SYNCRIP: variants seen among roughly 807,000 people sequenced by gnomAD.
The protein encoded by SYNCRIP is heterogeneous nuclear ribonucleoprotein Q.
SYNCRIP carries 9 observed loss-of-function variants against 68.9 expected under a neutral mutation model. The ratio of observed to expected loss-of-function variants is 0.13; its 90% confidence interval spans 0.08 to 0.23. SYNCRIP has a LOEUF of 0.23. SYNCRIP is among the 10% of genes least tolerant of loss of function. The probability of loss-of-function intolerance (pLI) is 1.00; values close to 1 mark genes in which losing one functional copy is unlikely to be tolerated. For missense variants in SYNCRIP, 414 were observed against 770.6 expected (o/e 0.54, Z 5.48); for synonymous variants, 258 against 254.0 (o/e 1.02, Z -0.15).
chr6:85,611,441 T>C (rs1368014963), downstream of SYNCRIP: 7 of 152,520 alleles, frequency 4.6e-5, no homozygotes, highest in Admixed American at 3.9e-4. Context: ...CTGGTGTGTA[T>C]AAAACCTTAA....
In SYNCRIP at chr6:85,614,832, T is replaced by C. The variant is rs201300773; in HGVS notation, c.1796A>G (p.Asp599Gly). The C allele has an allele frequency of 6.2e-7, 1 of 1,613,978 alleles. No homozygotes were observed. Among genetic ancestry groups the C allele is most frequent in the East Asian group, 2.2e-5 (1 of 44,874 alleles). Residue 599 changes from aspartate to glycine, a missense_variant, in exon 11 of 11, where the codon GAT (aspartate) becomes GGT (glycine). Coordinates refer to ENST00000369622, the MANE Select transcript of SYNCRIP (RefSeq NM_006372.5). ...TTTGTAACCATAGTTACCAGAATGA[T>C]CACCACCTTGGAGCGGTTGCTGAGC... Reference protein sequence around the residue: ...PIAQQPLQGGDHSGNYGYKSE... With the variant: ...PIAQQPLQGGGHSGNYGYKSE...
intron 6 of SYNCRIP, among the ~76,000 whole-genome samples, chr6:85,633,293 A>C (rs1377361172): frequency 6.7e-6 from 1 of 148,480 alleles, no homozygotes; most frequent in South Asian, 2.1e-4. Context: ...AATAAATAAA[A>C]TAAACAATTT....
chr6:85,612,740 G>C, downstream of SYNCRIP: 1 of 786,464 alleles, frequency 1.3e-6, no homozygotes, highest in Non-Finnish European at 1.9e-6. Context: ...TCAATGTCCC[G>C]TATTTGATTC....
chr6:85,625,572 G>A (rs1583276069), intron 6 of SYNCRIP, among the ~76,000 whole-genome samples: 1 of 152,126 alleles, frequency 6.6e-6, no homozygotes, highest in East Asian at 1.9e-4. Context: ...ATTTTTAGTA[G>A]AGACGGGGTT....
At chr6:85,610,582 T>C (rs1805163056), downstream of SYNCRIP, 1 of 152,050 alleles carries the variant, frequency 6.6e-6, no homozygotes, top group Admixed American at 6.5e-5. Flanking sequence ...CAGTTCTTAC[T>C]TTAAGTAAAC....
chr6:85,611,669 C>A (rs1421761462), downstream of SYNCRIP: 2 of 152,298 alleles, frequency 1.3e-5, no homozygotes, highest in Non-Finnish European at 2.9e-5. Context: ...TCACTGTCAT[C>A]AAGGTGCTTT....
At chr6:85,630,900 A>G (rs1807695858) in intron 6 of SYNCRIP, among the ~76,000 whole-genome samples, 3 of 152,198 alleles carry the variant, frequency 2.0e-5, no homozygotes, top group Non-Finnish European at 4.4e-5. Flanking sequence ...AGCAAAATCT[A>G]TTTTATCATT....
chr6:85,627,133 T>C (rs189005190), intron 6 of SYNCRIP, among the ~76,000 whole-genome samples: 19 of 152,010 alleles, frequency 1.2e-4, no homozygotes, highest in Non-Finnish European at 2.6e-4. Context: ...CCGGGAGTGG[T>C]GGCAGGCACC....
intron 6 of SYNCRIP, among the ~76,000 whole-genome samples, chr6:85,629,896 A>G (rs1463271369): frequency 6.6e-6 from 1 of 151,684 alleles, no homozygotes; most frequent in African/African-American, 2.4e-5. Flanking sequence ...AGGCAGCAGA[A>G]TCTCCTGAAC....
In SYNCRIP at chr6:85,615,245, A is replaced by G. The variant is rs749305603; in HGVS notation, c.1383T>C (p.Tyr461=). ...AATAATCATAATAATCTTCATATCC[A>G]TAATAATCTGGAGGATATCCATAAC... ...RGGYGYPPDY[Y]GYEDYYDYYG... The change falls in exon 11 of 11, where the codon TAT becomes TAC. Residue 461 remains tyrosine (Y), a synonymous_variant. Transcript: ENST00000369622. The G allele has an allele frequency of 4.4e-6, 7 of 1,607,218 alleles. No homozygotes were observed. The South Asian group carries it at 6.6e-5, about 15-fold the overall frequency.
rs766846629 is a variant in SYNCRIP at position 85,615,205 on chromosome 6, G to A, written c.1423C>T (p.His475Tyr). ...TCTTCATATCCACCACGATAGTTAT[G>A]GTAATCATAACCATAATAATCATAA... ...DYYDYYGYDY[H>Y]NYRGGYEDPY... Residue 475 changes from histidine to tyrosine, a missense_variant, in exon 11 of 11, where the codon CAT (histidine) becomes TAT (tyrosine). Coordinates refer to ENST00000369622, the MANE Select transcript of SYNCRIP (RefSeq NM_006372.5). 1 of 1,609,990 alleles carries A rather than the reference G, an allele frequency of 6.2e-7. No homozygotes were observed.
intron 6 of SYNCRIP, among the ~76,000 whole-genome samples, chr6:85,629,177 C>T (rs1807413185): frequency 6.6e-6 from 1 of 152,160 alleles, no homozygotes. Flanking sequence ...ACTGCTTCAA[C>T]TAGATTCACC....
intron 6 of SYNCRIP, among the ~76,000 whole-genome samples, chr6:85,628,357 A>G (rs1462229667): frequency 4.6e-5 from 7 of 152,330 alleles, no homozygotes; most frequent in African/African-American, 1.4e-4. Flanking sequence ...CACCTGGCCT[A>G]AAGATTTCTT....
chr6:85,610,733 G>C (rs1460267002), downstream of SYNCRIP: 2 of 151,982 alleles, frequency 1.3e-5, no homozygotes, highest in African/African-American at 4.8e-5. Flanking sequence ...TCGGAACTGA[G>C]AAATGCCAGC....
At chr6:85,639,374 GA>G (rs1295726756) in intron 4 of SYNCRIP, among the ~76,000 whole-genome samples, 1 of 152,134 alleles carries the variant, frequency 6.6e-6, no homozygotes, top group Non-Finnish European at 1.5e-5. Context: ...CACTTTTATG[GA>G]AAAACTAGAT....
chr6:85,630,955 T>TGTCA lies in SYNCRIP; in HGVS notation c.666+6008_666+6011dup, dbSNP rs368289141. 7.7e-3 allele frequency among the ~76,000 whole-genome samples: 1,168 copies of TGTCA among 152,332 alleles called. 13 individuals carry two copies. The highest frequency in any genetic ancestry group is 0.027 in the African/African-American group (1,128 of 41,578). On this transcript the variant is annotated intron_variant, in intron 6 of 10. Transcript: ENST00000369622. ...GGCAACTGGGTGGTAAGGTGCTCAATGTCACCCTACCTGAAAAGAAAGCAT... is the reference window on the plus strand; with the variant it reads ...GGCAACTGGGTGGTAAGGTGCTCAATGTCAGTCACCCTACCTGAAAAGAAAGCAT...
downstream of SYNCRIP, chr6:85,612,219 T>C (rs1199303641): frequency 6.6e-6 from 1 of 152,128 alleles, no homozygotes; most frequent in African/African-American, 2.4e-5. Flanking sequence ...TCTACAAAGA[T>C]TTTCTATGTA....
downstream of SYNCRIP, chr6:85,612,567 G>C (rs911834755): frequency 4.9e-6 from 1 of 202,516 alleles, no homozygotes; most frequent in Non-Finnish European, 9.9e-6. Context: ...AATCTACTTA[G>C]AGCAGATTTT....
intron 1 of SYNCRIP, among the ~76,000 whole-genome samples, 188 bp from the exon 2 acceptor site, chr6:85,641,639 T>C (rs558602585): frequency 3.0e-4 from 46 of 152,216 alleles, no homozygotes; most frequent in African/African-American, 1.1e-3. Flanking sequence ...AAGGACCGAT[T>C]CACCATATTC....
Sources: allele counts gnomAD v4.1 joint callset (sites outside exome capture counted in the v4.1 genomes callset), GRCh38; gene constraint gnomAD v4.1.1; transcripts MANE v1.5; gene names NCBI Gene and HGNC (gene_info 2026-07-23, HGNC 2026-07-21).